BRD4: variants seen among roughly 807,000 people sequenced by gnomAD.
BRD4 encodes the protein bromodomain-containing protein 4.
BRD4 carries 16 observed loss-of-function variants against 142.1 expected under a neutral mutation model. The observed-to-expected ratio is 0.11, with a 90% CI of 0.08 to 0.17. The LOEUF (loss-of-function observed/expected upper bound fraction) is 0.17, where lower values mean the gene tolerates loss of function less well. BRD4 is among the 10% of genes least tolerant of loss of function. BRD4 has a pLI of 1.00. For missense variants in BRD4, 1,424 were observed against 1,810.9 expected (o/e 0.79, Z 3.88); for synonymous variants, 833 against 707.5 (o/e 1.18, Z -2.82).
At chr19:15,255,799 G>A (rs1046275247) in intron 9 of BRD4, among the ~76,000 whole-genome samples, 1 of 152,242 alleles carries the variant, frequency 6.6e-6, no homozygotes, top group African/African-American at 2.4e-5. Flanking sequence ...CTGCCCAAGT[G>A]GGGGATGCAC....
chr19:15,326,087 A>G (rs2048106023), intron 1 of BRD4, among the ~76,000 whole-genome samples: 1 of 150,490 alleles, frequency 6.6e-6, no homozygotes, highest in Non-Finnish European at 1.5e-5. Context: ...AAGTTATGGT[A>G]CATTCATACG....
intron 1 of BRD4, among the ~76,000 whole-genome samples, chr19:15,309,758 T>A (rs1161137879): frequency 6.6e-6 from 1 of 152,164 alleles, no homozygotes; most frequent in African/African-American, 2.4e-5. Flanking sequence ...TGTTTCCTTC[T>A]CAAGGAGCAA....
At chr19:15,270,353 G>A (rs913146820) in intron 2 of BRD4, among the ~76,000 whole-genome samples, 1 of 152,164 alleles carries the variant, frequency 6.6e-6, no homozygotes, top group Non-Finnish European at 1.5e-5. Flanking sequence ...CACAGCTCAT[G>A]GAACTGCCCT....
intron 11 of BRD4, chr19:15,247,816 A>C (rs898687898): frequency 4.3e-6 from 1 of 232,106 alleles, no homozygotes; most frequent in African/African-American, 2.2e-5. Context: ...CTTAACTGGA[A>C]GCTGGATGCC....
Position 15,243,117 on chromosome 19 carries a change from A to G in BRD4, c.2952T>C (p.Pro984=), listed in dbSNP as rs2145510905. 1.1e-5 allele frequency: 5 copies of G among 474,230 alleles called. No homozygotes were observed. The highest frequency in any genetic ancestry group is 8.5e-6 in the Non-Finnish European group (3 of 353,676). 29.4% of individuals were successfully genotyped at this position (474,230 alleles called of 1,614,324 possible). A position where few individuals can be genotyped will look rare whatever the true frequency, so the allele number is the denominator to read the frequency against. ...GGGGCTGATGCTGCTGCTGGGGTGG[A>G]GGCTGGGGCTGGGGTGGTGGGGGTG... ...PPPPPPPQPQ[P]PPQQQHQPPP... The change falls in exon 14 of 20, where the codon CCT becomes CCC. Residue 984 remains proline, a synonymous_variant. Transcript: ENST00000679869.
intron 7 of BRD4, 129 bp from the exon 8 acceptor site, chr19:15,257,302 T>C: frequency 1.1e-6 from 1 of 896,018 alleles, no homozygotes; most frequent in Non-Finnish European, 1.7e-6. Context: ...ATGGTGATCC[T>C]GTCTCTTTGC....
intron 2 of BRD4, among the ~76,000 whole-genome samples, 177 bp from the exon 3 acceptor site, chr19:15,269,219 G>A (rs918071039): frequency 2.0e-5 from 3 of 152,070 alleles, no homozygotes; most frequent in African/African-American, 7.3e-5. Context: ...AAAATAAAGT[G>A]GAGCGGGGAA....
Position 15,239,630 on chromosome 19 carries a change from C to T in BRD4, c.3445+29G>A, listed in dbSNP as rs1568376175. The T allele has an allele frequency of 1.3e-6, 2 of 1,561,604 alleles. No homozygotes were observed. Among genetic ancestry groups the T allele is most frequent in the Non-Finnish European group, 1.7e-6 (2 of 1,162,940 alleles). On this transcript the variant is annotated intron_variant, in intron 16 of 19. Coordinates refer to ENST00000679869, the MANE Select transcript of BRD4 (RefSeq NM_001379291.1). The surrounding 1 kb of genome is among the most constrained non-coding windows in gnomAD (Gnocchi z 7.4). The stretch of plus-strand genomic sequence containing the variant: ...CAACACGGGCCTCGGGGGGCCTGAG[C>T]CCTGGCTGTGGGCAGGGAGAGCACT...
intron 4 of BRD4, 125 bp downstream of exon 4, chr19:15,267,291 A>G: frequency 7.9e-7 from 1 of 1,273,588 alleles, no homozygotes; most frequent in South Asian, 1.4e-5. Context: ...TCACATGTCC[A>G]AACACCAACA....
intron 7 of BRD4, chr19:15,257,415 G>C (rs1368689995): frequency 1.8e-6 from 1 of 551,626 alleles, no homozygotes; most frequent in Non-Finnish European, 3.2e-6. Context: ...GAGATAGCGG[G>C]GCACTCACTC....
At chr19:15,245,704 C>T (rs974504336) in intron 11 of BRD4, among the ~76,000 whole-genome samples, 10 of 152,222 alleles carry the variant, frequency 6.6e-5, no homozygotes, top group Admixed American at 6.5e-5. Context: ...GGGACATGAG[C>T]CCTGGCCAGT....
chr19:15,301,285 G>A (rs1006928069), intron 1 of BRD4, among the ~76,000 whole-genome samples: 3 of 152,326 alleles, frequency 2.0e-5, no homozygotes, highest in South Asian at 4.1e-4. Flanking sequence ...CTGAGGAGCC[G>A]GACACGGTGG....
rs764075971 is a variant in BRD4, at chr19:15,239,685, A to G, written c.3419T>C (p.Ile1140Thr). The change falls in exon 16 of 20, where the codon ATC becomes ACC. Residue 1140 changes from isoleucine to threonine, a missense_variant. Physicochemically the swap from Ile to Thr is moderately conservative, Grantham distance 89. Transcript: ENST00000679869. This position sits in a 1 kb window ranked among gnomAD's most constrained non-coding sequence, Gnocchi z 7.4. ...CTGGGGCAGGTGGACGGGGGCCTTG[A>G]TGCTCTCCGGGTGCTTGGGGGGCTC... is the stretch of plus-strand genomic sequence containing the variant. ...RPEPPKHPES[I>T]KAPVHLPQRP... is the part of the protein sequence containing the mutation. The G allele has an allele frequency of 6.3e-7, 1 of 1,587,680 alleles. No homozygotes were observed. The highest frequency in any genetic ancestry group is 1.1e-5 in the South Asian group (1 of 89,686).
intron 1 of BRD4, among the ~76,000 whole-genome samples, chr19:15,274,262 A>C (rs1413983738): frequency 1.3e-5 from 2 of 152,198 alleles, no homozygotes; most frequent in African/African-American, 4.8e-5. Flanking sequence ...CAGACAAGGA[A>C]ACAAGTCAGT....
chr19:15,275,300 CACAGTA>C (rs1199464236), intron 1 of BRD4, among the ~76,000 whole-genome samples: 1 of 152,222 alleles, frequency 6.6e-6, no homozygotes, highest in Non-Finnish European at 1.5e-5. Context: ...ACAAGTGATG[CACAGTA>C]ACAGTTAAAT....
intron 1 of BRD4, among the ~76,000 whole-genome samples, chr19:15,309,251 T>C (rs2047944839): frequency 6.9e-6 from 1 of 144,576 alleles, no homozygotes; most frequent in Non-Finnish European, 1.5e-5. Flanking sequence ...GAGAATGGCA[T>C]GAACCCAGGA....
intron 11 of BRD4, among the ~76,000 whole-genome samples, chr19:15,246,207 T>C (rs928152541): frequency 6.6e-6 from 1 of 152,068 alleles, no homozygotes; most frequent in East Asian, 1.9e-4. Context: ...CTGTTGTGGG[T>C]GAGACATGCC....
In BRD4 at chr19:15,236,602, CTCAGCCAGGGTCCA is replaced by C. The variant is rs1300828182; in HGVS notation, c.*1761_*1774del. Reference sequence around the variant, plus strand: ...GGTTCTGCTAGAGCACACCCTCCACCTCAGCCAGGGTCCACAAGGATGGGTACCGGGCTCTGCGT... The same window carrying C: ...GGTTCTGCTAGAGCACACCCTCCACCCAAGGATGGGTACCGGGCTCTGCGT... On this transcript the variant is annotated 3_prime_UTR_variant, in exon 20 of 20. Coordinates refer to ENST00000679869, the MANE Select transcript of BRD4 (RefSeq NM_001379291.1). 1 of 155,208 alleles carries C rather than the reference CTCAGCCAGGGTCCA, an allele frequency of 6.4e-6. No homozygotes were observed. The highest frequency in any genetic ancestry group is 1.4e-5 in the Non-Finnish European group (1 of 69,930). 9.6% of individuals were successfully genotyped at this position (155,208 alleles called of 1,614,324 possible).
At chr19:15,323,836 C>G (rs1008435276) in intron 1 of BRD4, among the ~76,000 whole-genome samples, 5 of 152,204 alleles carry the variant, frequency 3.3e-5, no homozygotes, top group Admixed American at 1.3e-4. Context: ...ATTTCTCACA[C>G]TTTTTCAGGC....
Sources: allele counts gnomAD v4.1 joint callset (sites outside exome capture counted in the v4.1 genomes callset), GRCh38; gene constraint gnomAD v4.1.1; non-coding constraint Gnocchi (gnomAD v3.1); transcripts MANE v1.5; gene names NCBI Gene and HGNC (gene_info 2026-07-23, HGNC 2026-07-21).